COG2: variants seen among roughly 807,000 people sequenced by gnomAD.
The protein encoded by COG2 is conserved oligomeric Golgi complex subunit 2.
Under a neutral mutation model 90.6 loss-of-function variants are expected in COG2, and 52 were observed. The observed-to-expected ratio is 0.57, with a 90% CI of 0.46 to 0.72. The LOEUF (loss-of-function observed/expected upper bound fraction) is 0.72. COG2 is among the 30% of genes least tolerant of loss of function. The pLI is 0.00. For missense variants in COG2, 829 were observed against 891.2 expected, an observed-to-expected ratio of 0.93 and a Z score of 0.89; for synonymous variants, 337 against 320.4, an observed-to-expected ratio of 1.05 and a Z score of -0.55.
chr1:230,657,053 A>G (rs1662074660), intron 1 of COG2, among the ~76,000 whole-genome samples: 1 of 152,110 alleles, frequency 6.6e-6, no homozygotes. Flanking sequence ...TAACTGGGGC[A>G]TTTAGTCTGT....
intron 1 of COG2, among the ~76,000 whole-genome samples, chr1:230,656,500 T>C (rs571520506): frequency 3.3e-5 from 5 of 152,366 alleles, no homozygotes; most frequent in Admixed American, 1.3e-4. Flanking sequence ...CTTCCAATTA[T>C]GTGGCCAATT....
intron 1 of COG2, among the ~76,000 whole-genome samples, chr1:230,653,421 G>C (rs1048211469): frequency 6.6e-6 from 1 of 151,696 alleles, no homozygotes. Flanking sequence ...GGGTTTCGCC[G>C]TGTTGGCCAG....
Position 230,669,629 on chromosome 1 carries a change from T to C in COG2, c.774+94T>C. ...GGAAGATAAGAAGAGAGAACAGAGA[T>C]CTTTCTGGAAAGATTCTCAGTTCCT... On this transcript the variant is annotated intron_variant, in intron 7 of 17. Transcript: ENST00000366669. 8 of 1,158,236 alleles carry C rather than the reference T, an allele frequency of 6.9e-6. No individual in the cohort carries two copies. The South Asian group carries it at 1.2e-4, about 17-fold the overall frequency. The allele number at this position is 1,158,236 out of a possible 1,614,324, so 71.7% of individuals were successfully genotyped here.
At chr1:230,652,534 A>G (rs1158746222) in intron 1 of COG2, among the ~76,000 whole-genome samples, 3 of 152,166 alleles carry the variant, frequency 2.0e-5, no homozygotes, top group South Asian at 2.1e-4. Flanking sequence ...AGGTTTTTGT[A>G]TGGACATACA....
At chr1:230,685,799 T>G (rs1662870381) in intron 12 of COG2, among the ~76,000 whole-genome samples, 1 of 152,206 alleles carries the variant, frequency 6.6e-6, no homozygotes, top group Admixed American at 6.5e-5. Flanking sequence ...AGTCCTGTGC[T>G]GAGCACCAGC....
chr1:230,643,476 T>C (rs1250714099), intron 1 of COG2, among the ~76,000 whole-genome samples: 2 of 152,236 alleles, frequency 1.3e-5, no homozygotes, highest in Non-Finnish European at 2.9e-5. Context: ...TTTTGACACC[T>C]TTTAGTAGCT....
chr1:230,656,050 T>C (rs1329177475), intron 1 of COG2, among the ~76,000 whole-genome samples: 3 of 152,192 alleles, frequency 2.0e-5, no homozygotes, highest in African/African-American at 7.2e-5. Context: ...AAAAACCAGC[T>C]CCTGGTTTCA....
At chr1:230,673,086 G>A (rs1455141399) in intron 8 of COG2, among the ~76,000 whole-genome samples, 1 of 152,078 alleles carries the variant, frequency 6.6e-6, no homozygotes, top group Non-Finnish European at 1.5e-5. Context: ...GTTGGATTTG[G>A]GGATAAGAAC....
At chr1:230,679,139 T>C (rs1004729484) in intron 10 of COG2, 87 bp downstream of exon 10, 178 of 1,275,416 alleles carry the variant, frequency 1.4e-4, no homozygotes, top group Non-Finnish European at 1.9e-4. Context: ...AGTTAGCGGC[T>C]CCTTTTCTCT....
Position 230,679,047 on chromosome 1 carries a change from A to C in COG2, c.1161A>C (p.Gln387His). The C allele has an allele frequency of 6.2e-7, 1 of 1,611,694 alleles. No individual in the cohort carries two copies. The highest frequency in any genetic ancestry group is 1.1e-5 in the South Asian group (1 of 90,990). ...AGTGGAACTTGCCTGTTTATTTTCA[A>C]ATAAGGTTGGTCATCTATTCACCGC... ...NKKWNLPVYFQIRFREIAGSL... is the reference protein window; with the variant it reads ...NKKWNLPVYFHIRFREIAGSL... The change falls in exon 10 of 18, where the codon CAA (glutamine) becomes CAC (histidine). Residue 387 changes from glutamine to histidine, a missense_variant. Coordinates refer to ENST00000366669, the MANE Select transcript of COG2 (RefSeq NM_007357.3).
At chr1:230,682,659 T>C (rs1275062644) in intron 10 of COG2, 1 of 152,188 alleles carries the variant, frequency 6.6e-6, no homozygotes, top group Non-Finnish European at 1.5e-5. Context: ...GCTCAGTCTG[T>C]GAACCGCTTT....
At chr1:230,655,526 T>G (rs971162927) in intron 1 of COG2, among the ~76,000 whole-genome samples, 7 of 152,204 alleles carry the variant, frequency 4.6e-5, no homozygotes, top group African/African-American at 1.7e-4. Flanking sequence ...ATTTTTGCAT[T>G]GATGTTCATC....
chr1:230,679,818 C>T (rs1431164293), intron 10 of COG2: 34 of 152,134 alleles, frequency 2.2e-4, no homozygotes. Flanking sequence ...GAATCATAGG[C>T]TTTTTTATTT....
At chr1:230,690,183 CCTTG>C (rs1662990932) in intron 16 of COG2, 30 bp downstream of exon 16, 1 of 1,604,322 alleles carries the variant, frequency 6.2e-7, no homozygotes, top group Non-Finnish European at 8.5e-7. Flanking sequence ...ACCTTGTGGG[CCTTG>C]CTTAGAAGAG....
chr1:230,648,373 T>TA (rs1344414381), intron 1 of COG2, among the ~76,000 whole-genome samples: 1 of 152,250 alleles, frequency 6.6e-6, no homozygotes, highest in Non-Finnish European at 1.5e-5. Flanking sequence ...GTTCATGGTT[T>TA]CATTTTTGGT....
intron 17 of COG2, among the ~76,000 whole-genome samples, chr1:230,692,728 TGTGCGTGTGTGTG>T (rs923112081): frequency 1.4e-5 from 1 of 72,156 alleles, no homozygotes; most frequent in Non-Finnish European, 4.7e-5. Flanking sequence ...GATCTTTCTC[TGTGCGTGTGTGTG>T]GTGCGTGTGT....
At chr1:230,672,281 T>C (rs183608667) in intron 8 of COG2, among the ~76,000 whole-genome samples, 7 of 152,304 alleles carry the variant, frequency 4.6e-5, no homozygotes, top group African/African-American at 9.6e-5. Flanking sequence ...TCAGTGCGCA[T>C]GGAGGAAGAT....
At chr1:230,683,994 G>A (rs900835512) in intron 11 of COG2, among the ~76,000 whole-genome samples, 1 of 151,990 alleles carries the variant, frequency 6.6e-6, no homozygotes, top group African/African-American at 2.4e-5. Context: ...GTTTCACCAT[G>A]TTGGCCAGGC....
chr1:230,668,888 C>T lies in COG2; in HGVS notation c.594+104C>T, dbSNP rs147718526. 1.8e-3 allele frequency: 1,263 copies of T among 715,766 alleles called. 2 individuals carry two copies. Among genetic ancestry groups the T allele is most frequent in the Non-Finnish European group, 2.5e-3 (1,131 of 449,930 alleles). 44.3% of individuals were successfully genotyped at this position (715,766 alleles called of 1,614,324 possible). ...TGATCTACAGGGTTTTGAAGCTAAC[C>T]TTGCATTTTTTTTCAATTTTTAATT... On this transcript the variant is annotated intron_variant, in intron 6 of 17. Coordinates refer to ENST00000366669, the MANE Select transcript of COG2 (RefSeq NM_007357.3).
Sources: gnomAD v4.1 joint callset for allele counts (sites outside exome capture counted in the v4.1 genomes callset) on GRCh38, gnomAD v4.1.1 for gene constraint, MANE v1.5 for transcripts, NCBI Gene and HGNC (gene_info 2026-07-23, HGNC 2026-07-21) for gene names.